The following ADAMTS14 variants were observed in gnomAD, a reference collection of about 807,000 sequenced individuals.
The protein encoded by ADAMTS14 is A disintegrin and metalloproteinase with thrombospondin motifs 14.
A neutral mutation model predicts 128.6 loss-of-function variants in ADAMTS14; 100 were observed. The observed-to-expected ratio is 0.78, with a 90% CI of 0.66 to 0.92. The LOEUF is 0.92. ADAMTS14 is among the 40% of genes least tolerant of loss of function. The pLI is 0.00. For missense variants in ADAMTS14, 1,562 were observed against 1,658.6 expected (o/e 0.94, Z 1.01); for synonymous variants, 665 against 653.8 (o/e 1.02, Z -0.26).
chr10:70,753,938 G>A lies in ADAMTS14; in HGVS notation c.2868G>A (p.Arg956=), dbSNP rs1390214474. 5 of 1,586,542 alleles carry A rather than the reference G, an allele frequency of 3.2e-6. No homozygotes were observed. Among genetic ancestry groups the A allele is most frequent in the African/African-American group, 2.7e-5 (2 of 74,538 alleles). Residue 956 remains arginine, a synonymous_variant, in exon 19 of 22, where the codon CGG becomes CGA. Coordinates refer to ENST00000373207, the MANE Select transcript of ADAMTS14 (RefSeq NM_080722.4). ...VMPAKACAGD[R]PEARRPCLRV... The stretch of plus-strand genomic sequence containing the variant: ...CGGCCAAAGCCTGCGCCGGGGACCG[G>A]CCTGAGGCCCGACGGCCCTGTCTCC...
At chr10:70,750,954 C>A (rs544360569) in intron 16 of ADAMTS14, among the ~76,000 whole-genome samples, 5 of 152,148 alleles carry the variant, frequency 3.3e-5, no homozygotes, top group African/African-American at 1.2e-4. Flanking sequence ...ACGACAGGCA[C>A]TAAAAGCATA....
chr10:70,757,892 G>T, intron 19 of ADAMTS14, 70 bp from the exon 20 acceptor site: 2 of 1,522,176 alleles, frequency 1.3e-6, no homozygotes, highest in South Asian at 2.6e-5. Context: ...TGAGCTCACT[G>T]ACTCGTCTTT....
chr10:70,684,248 C>T (rs964438084), intron 2 of ADAMTS14, among the ~76,000 whole-genome samples: 4 of 152,018 alleles, frequency 2.6e-5, no homozygotes, highest in Non-Finnish European at 2.9e-5. Flanking sequence ...CATGGGAAAC[C>T]GACTCTGTGA....
At chr10:70,694,009 G>A (rs1220328856) in intron 2 of ADAMTS14, among the ~76,000 whole-genome samples, 1 of 152,258 alleles carries the variant, frequency 6.6e-6, no homozygotes, top group Non-Finnish European at 1.5e-5. Flanking sequence ...CTTCCTGCCT[G>A]TCCCCAAGGC....
intron 15 of ADAMTS14, 53 bp from the exon 16 acceptor site, chr10:70,749,768 GC>G: frequency 4.4e-6 from 7 of 1,580,458 alleles, no homozygotes; most frequent in Non-Finnish European, 5.2e-6. Flanking sequence ...TTCATGGCCC[GC>G]CCCCTGTGGA....
chr10:70,698,942 G>A (rs80281512), intron 2 of ADAMTS14, among the ~76,000 whole-genome samples: 2,341 of 152,232 alleles, frequency 0.015, 60 homozygotes, highest in African/African-American at 0.054. Context: ...GGGAGTGGGA[G>A]GGACCATTTC....
chr10:70,725,196 T>A (rs1378689851), intron 4 of ADAMTS14, among the ~76,000 whole-genome samples: 1 of 152,128 alleles, frequency 6.6e-6, no homozygotes, highest in Admixed American at 6.5e-5. Context: ...GCGGTCACTG[T>A]CCGTCCCCAG....
At chr10:70,681,767 C>G (rs562314137) in intron 2 of ADAMTS14, among the ~76,000 whole-genome samples, 2 of 152,346 alleles carry the variant, frequency 1.3e-5, no homozygotes, top group East Asian at 1.9e-4. Flanking sequence ...GTGACCTACC[C>G]CCTCCCAGAC....
At chr10:70,745,574 G>T in intron 15 of ADAMTS14, 1 of 480,368 alleles carries the variant, frequency 2.1e-6, no homozygotes, top group Non-Finnish European at 3.8e-6. Context: ...TCTTCCCTAA[G>T]GGCAACTACT....
At chr10:70,696,890 T>C (rs1200103559) in intron 2 of ADAMTS14, among the ~76,000 whole-genome samples, 1 of 152,098 alleles carries the variant, frequency 6.6e-6, no homozygotes, top group Non-Finnish European at 1.5e-5. Flanking sequence ...CAGCCACCCA[T>C]TGAGGAATCT....
chr10:70,691,485 G>GT (rs1840184434), intron 2 of ADAMTS14, among the ~76,000 whole-genome samples: 1 of 63,914 alleles, frequency 1.6e-5, no homozygotes, highest in African/African-American at 6.9e-5. Context: ...GTGAGACCCT[G>GT]TTAAAAAAAA....
At chr10:70,716,475 G>C (rs957820942) in intron 4 of ADAMTS14, among the ~76,000 whole-genome samples, 1 of 152,196 alleles carries the variant, frequency 6.6e-6, no homozygotes, top group Non-Finnish European at 1.5e-5. Flanking sequence ...TGCAGAGGAC[G>C]GACAGTCAAA....
chr10:70,748,395 A>G (rs1339888264), intron 15 of ADAMTS14, among the ~76,000 whole-genome samples: 4 of 152,218 alleles, frequency 2.6e-5, no homozygotes, highest in Admixed American at 6.5e-5. Context: ...TAGCTTAGAC[A>G]GTCTGGAGCT....
Position 70,757,994 on chromosome 10 carries a change from G to T in ADAMTS14, c.2970G>T (p.Gln990His). 1 of 1,613,144 alleles carries T rather than the reference G, an allele frequency of 6.2e-7. No individual in the cohort carries two copies. Among genetic ancestry groups the T allele is most frequent in the Non-Finnish European group, 8.5e-7 (1 of 1,179,800 alleles). ...CCACCTGTGGAGAGGGCATCCAGCA[G>T]CGGCAGGTGGTGTGCAGGACCAACG... Reference protein sequence around the residue: ...CSATCGEGIQQRQVVCRTNAN... With the variant: ...CSATCGEGIQHRQVVCRTNAN... Residue 990 changes from glutamine (Q) to histidine (H), a missense_variant, in exon 20 of 22, where the codon CAG becomes CAT. Physicochemically the swap from Gln to His is conservative, Grantham distance 24. Transcript: ENST00000373207.
intron 2 of ADAMTS14, among the ~76,000 whole-genome samples, chr10:70,687,364 G>A (rs1840007227): frequency 1.3e-5 from 1 of 76,818 alleles, no homozygotes; most frequent in Non-Finnish European, 2.8e-5. Context: ...CCCGGACGGG[G>A]CGGCTGGCCG....
chr10:70,746,602 G>A (rs988844472), intron 15 of ADAMTS14, among the ~76,000 whole-genome samples: 4 of 152,210 alleles, frequency 2.6e-5, no homozygotes, highest in Admixed American at 6.5e-5. Flanking sequence ...GAGCTCAGAA[G>A]TTTGAGATCA....
chr10:70,674,474 C>A, intron 1 of ADAMTS14, 82 bp from the exon 2 acceptor site: 2 of 1,433,332 alleles, frequency 1.4e-6, no homozygotes, highest in South Asian at 1.3e-5. Flanking sequence ...GTTCCTATCC[C>A]TCCCTGCCCG....
In ADAMTS14 at chr10:70,731,555, C is replaced by T. The variant is rs1257902925; in HGVS notation, c.1103-699C>T. The stretch of plus-strand genomic sequence containing the variant: ...GGTAGTGCTTAGCTGGTGCCGGCCC[C>T]CCTGCACTGCCATGATTCCTGTGTG... On this transcript the variant is annotated intron_variant, in intron 6 of 21. Coordinates refer to ENST00000373207, the MANE Select transcript of ADAMTS14 (RefSeq NM_080722.4). 2.0e-5 allele frequency among the ~76,000 whole-genome samples: 3 copies of T among 152,210 alleles called. No homozygotes were observed. In the East Asian group the frequency reaches 5.8e-4, roughly 29 times the overall value.
intron 2 of ADAMTS14, among the ~76,000 whole-genome samples, chr10:70,675,283 G>A (rs780566572): frequency 6.6e-5 from 10 of 152,194 alleles, no homozygotes; most frequent in Non-Finnish European, 1.2e-4. Context: ...TTGGAAGTGT[G>A]GCTGAGCCAC....
Sources: allele counts gnomAD v4.1 joint callset (sites outside exome capture counted in the v4.1 genomes callset), GRCh38; gene constraint gnomAD v4.1.1; transcripts MANE v1.5; gene names NCBI Gene and HGNC (gene_info 2026-07-23, HGNC 2026-07-21).